NFYC: variants seen among roughly 807,000 people sequenced by gnomAD.
The protein encoded by NFYC is nuclear transcription factor Y subunit gamma, also known as CAAT box DNA-binding protein subunit C.
In NFYC, 25 loss-of-function variants were observed where a neutral mutation model predicts 53.1. The ratio of observed to expected loss-of-function variants is 0.47; its 90% CI spans 0.34 to 0.66. The LOEUF is 0.66. Ranked by LOEUF, NFYC falls within the 30% of genes least tolerant of loss-of-function variation. NFYC has a pLI of 0.01. For synonymous variants in NFYC, 145 were observed against 152.6 expected (o/e 0.95, Z 0.37); for missense variants, 260 against 422.7 (o/e 0.62, Z 3.38).
chr1:40,721,245 A>G (rs535672458), intron 1 of NFYC, among the ~76,000 whole-genome samples: 19 of 152,330 alleles, frequency 1.2e-4, no homozygotes, highest in African/African-American at 3.8e-4. Flanking sequence ...CTTCTTATCA[A>G]TGCTATTGCA....
At chr1:40,754,466 A>G (rs1337876610) in intron 5 of NFYC, 1 of 532,300 alleles carries the variant, frequency 1.9e-6, no homozygotes, top group Non-Finnish European at 3.9e-6. Flanking sequence ...CCAGCTACGC[A>G]CCGGCTTTGA....
chr1:40,754,469 G>A (rs773433269), intron 5 of NFYC: 7 of 531,580 alleles, frequency 1.3e-5, no homozygotes, highest in Middle Eastern at 4.4e-4. Context: ...GCTACGCACC[G>A]GCTTTGAAAC....
rs569790388 is a variant in NFYC, at chr1:40,739,071, C to A, written c.105+123C>A. 3 of 692,212 alleles carry A rather than the reference C, an allele frequency of 4.3e-6. No homozygotes were observed. The Admixed American group carries it at 8.2e-5, about 19-fold the overall frequency. 42.9% of individuals were successfully genotyped at this position (692,212 alleles called of 1,614,324 possible). A position where few individuals can be genotyped will look rare whatever the true frequency, so the allele number is the denominator to read the frequency against. On this transcript the variant is annotated intron_variant, in intron 2 of 9. Coordinates refer to ENST00000447388, the MANE Select transcript of NFYC (RefSeq NM_014223.5). ...AGCACATTTACAGAGGCATGGTTCA[C>A]CCCTGACCTGTGGGTAGGAAAATGA... is the stretch of plus-strand genomic sequence containing the variant.
chr1:40,768,077 A>G (rs1270744759), intron 8 of NFYC, among the ~76,000 whole-genome samples: 1 of 152,206 alleles, frequency 6.6e-6, no homozygotes, highest in Non-Finnish European at 1.5e-5. Flanking sequence ...AAGGCAATGA[A>G]AATCTTTGTA....
At chr1:40,723,041 A>G (rs773680048) in intron 1 of NFYC, among the ~76,000 whole-genome samples, 3 of 152,310 alleles carry the variant, frequency 2.0e-5, no homozygotes, top group Non-Finnish European at 4.4e-5. Flanking sequence ...TTGATATTCA[A>G]CCCTCAACCT....
intron 2 of NFYC, among the ~76,000 whole-genome samples, chr1:40,743,670 G>C (rs1298776764): frequency 1.3e-5 from 2 of 152,194 alleles, no homozygotes; most frequent in Admixed American, 6.5e-5. Flanking sequence ...TCAGATAACT[G>C]TTTAAACAAG....
intron 1 of NFYC, among the ~76,000 whole-genome samples, chr1:40,734,155 A>G (rs1317943727): frequency 6.6e-6 from 1 of 152,132 alleles, no homozygotes; most frequent in African/African-American, 2.4e-5. Flanking sequence ...TGTTGGGATT[A>G]CAGACATAAG....
chr1:40,751,345 C>T (rs1348886276), intron 4 of NFYC, among the ~76,000 whole-genome samples: 1 of 152,032 alleles, frequency 6.6e-6, no homozygotes, highest in Non-Finnish European at 1.5e-5. Context: ...TTGTGGTTGC[C>T]CAGATTTAGG....
intron 7 of NFYC, among the ~76,000 whole-genome samples, chr1:40,764,644 C>T (rs1646726674): frequency 6.6e-6 from 1 of 152,234 alleles, no homozygotes; most frequent in South Asian, 2.1e-4. Context: ...CTGGCTCAGG[C>T]ACCTTCTGTA....
chr1:40,736,979 T>C (rs1645060701), intron 1 of NFYC, among the ~76,000 whole-genome samples: 1 of 151,590 alleles, frequency 6.6e-6, no homozygotes, highest in South Asian at 2.1e-4. Flanking sequence ...TATAAAAAAT[T>C]AGCTAGGCGT....
At position 40,737,480 on chromosome 1, in the gene NFYC, C is replaced by T. The variant is rs576851185; in HGVS notation, c.-8-1356C>T. On this transcript the variant is annotated intron_variant, in intron 1 of 9. Coordinates refer to ENST00000447388, the MANE Select transcript of NFYC (RefSeq NM_014223.5). The stretch of plus-strand genomic sequence containing the variant: ...AGTAACTGGGATTACAAGCGTCTGC[C>T]GCCACGCCCGGCTAATTTTTGTATT... Among the ~76,000 whole-genome samples the T allele has an allele frequency of 1.4e-4, 21 of 151,888 alleles. No homozygotes were observed. The South Asian group carries it at 2.3e-3, about 17-fold the overall frequency.
At chr1:40,692,602 G>T (rs564521475) in intron 1 of NFYC, among the ~76,000 whole-genome samples, 2 of 152,266 alleles carry the variant, frequency 1.3e-5, no homozygotes, top group South Asian at 4.1e-4. Flanking sequence ...AGGGCTAGGG[G>T]CATAGCTGAA....
intron 2 of NFYC, among the ~76,000 whole-genome samples, chr1:40,744,150 G>A (rs2148644550): frequency 6.6e-6 from 1 of 152,316 alleles, no homozygotes; most frequent in Admixed American, 6.5e-5. Flanking sequence ...ATCAGCAGTG[G>A]CATTAGATTC....
chr1:40,750,000 C>G (rs536920734), intron 4 of NFYC, among the ~76,000 whole-genome samples: 1 of 152,266 alleles, frequency 6.6e-6, no homozygotes, highest in East Asian at 1.9e-4. Context: ...AACAGAGGCT[C>G]AAGTGATAAG....
intron 2 of NFYC, among the ~76,000 whole-genome samples, chr1:40,746,032 A>T (rs973617734): frequency 6.6e-6 from 1 of 152,156 alleles, no homozygotes; most frequent in Non-Finnish European, 1.5e-5. Flanking sequence ...TTTGCATAGT[A>T]GTAGGTATCA....
Position 40,749,761 on chromosome 1 carries a change from GAAAGATTGTTCTCCTTTAGGACC to G in NFYC, c.291+119_291+141del, listed in dbSNP as rs199882682. On this transcript the variant is annotated intron_variant, in intron 4 of 9. Transcript: ENST00000447388. ...GCCTGTTTTCCTGCGTGGTGTTGGAGAAAGATTGTTCTCCTTTAGGACCAAAGATTGTTCTCCTTTAGGACCAA... is the reference window on the plus strand; with the variant it reads ...GCCTGTTTTCCTGCGTGGTGTTGGAGAAAGATTGTTCTCCTTTAGGACCAA... 1,188 of 1,215,700 alleles carry G rather than the reference GAAAGATTGTTCTCCTTTAGGACC, an allele frequency of 9.8e-4. 7 individuals are homozygous for G. Among genetic ancestry groups the G allele is most frequent in the East Asian group, 7.3e-3 (312 of 42,830 alleles). 75.3% of individuals were successfully genotyped at this position (1,215,700 alleles called of 1,614,324 possible). A position where few individuals can be genotyped will look rare whatever the true frequency, so the allele number is the denominator to read the frequency against.
At chr1:40,694,277 T>C (rs957859897) in intron 1 of NFYC, among the ~76,000 whole-genome samples, 4 of 152,246 alleles carry the variant, frequency 2.6e-5, no homozygotes, top group Admixed American at 6.5e-5. Context: ...TTCTAGGATA[T>C]GCTTATCCTG....
intron 5 of NFYC, among the ~76,000 whole-genome samples, chr1:40,756,076 C>T (rs1474713875): frequency 6.6e-6 from 1 of 152,152 alleles, no homozygotes; most frequent in Non-Finnish European, 1.5e-5. Context: ...AGAGCTTTTC[C>T]AAGTTAGGTC....
chr1:40,732,218 A>T (rs1267833277), intron 1 of NFYC, among the ~76,000 whole-genome samples: 1 of 152,236 alleles, frequency 6.6e-6, no homozygotes, highest in African/African-American at 2.4e-5. Flanking sequence ...AGAGTTTGGT[A>T]TAGAGAATGA....
Sources: gnomAD v4.1 joint callset for allele counts (sites outside exome capture counted in the v4.1 genomes callset) on GRCh38, gnomAD v4.1.1 for gene constraint, MANE v1.5 for transcripts, NCBI Gene and HGNC (gene_info 2026-07-23, HGNC 2026-07-21) for gene names.